The following NELL1 variants were observed in gnomAD, a reference collection of about 807,000 sequenced individuals.
NELL1 encodes neural EGFL like 1, also known as protein kinase C-binding protein NELL1.
In NELL1, 76 loss-of-function variants were observed where a neutral mutation model predicts 107.4. That is an observed-to-expected ratio of 0.71 (90% CI 0.59 to 0.86). The LOEUF (loss-of-function observed/expected upper bound fraction) is 0.86. Among genes scored for constraint, NELL1 ranks in the 40% least tolerant of loss-of-function variants. The pLI, the probability that NELL1 is intolerant of heterozygous loss-of-function variation, is 0.00. For synonymous variants in NELL1, 353 were observed against 341.2 expected, an observed-to-expected ratio of 1.03 and a Z score of -0.38; for missense variants, 1,024 against 1,005.5, an observed-to-expected ratio of 1.02 and a Z score of -0.25.
At chr11:21,227,219 A>G (rs1857917473) in intron 13 of NELL1, among the ~76,000 whole-genome samples, 1 of 152,166 alleles carries the variant, frequency 6.6e-6, no homozygotes, top group Non-Finnish European at 1.5e-5. Context: ...ATGAACTCTC[A>G]GTCTAGCTTA....
chr11:20,677,382 C>T (rs576943541), intron 1 of NELL1, among the ~76,000 whole-genome samples: 20 of 152,224 alleles, frequency 1.3e-4, no homozygotes, highest in Admixed American at 2.6e-4. Flanking sequence ...AATCTTGTAT[C>T]CGCAGTCACC....
chr11:21,115,408 G>A (rs1173869038), intron 13 of NELL1, among the ~76,000 whole-genome samples: 1 of 151,428 alleles, frequency 6.6e-6, no homozygotes, highest in African/African-American at 2.4e-5. Flanking sequence ...GTGCCTAAGA[G>A]GGAACACAAA....
chr11:21,195,224 G>A (rs1224414926), intron 13 of NELL1, among the ~76,000 whole-genome samples: 1 of 152,088 alleles, frequency 6.6e-6, no homozygotes, highest in East Asian at 1.9e-4. Flanking sequence ...ATTCCCATAT[G>A]AGAATAAGCA....
At chr11:21,302,634 G>C (rs1229765489) in intron 14 of NELL1, among the ~76,000 whole-genome samples, 2 of 151,910 alleles carry the variant, frequency 1.3e-5, no homozygotes, top group Non-Finnish European at 2.9e-5. Flanking sequence ...GAATATCAGG[G>C]CCCTCTTCTC....
chr11:21,329,930 A>G (rs1164003297), intron 14 of NELL1, among the ~76,000 whole-genome samples: 3 of 152,154 alleles, frequency 2.0e-5, no homozygotes, highest in Non-Finnish European at 4.4e-5. Flanking sequence ...AAACCCAATA[A>G]TGAATTACAA....
intron 4 of NELL1, among the ~76,000 whole-genome samples, chr11:20,875,225 C>T (rs1174980978): frequency 2.0e-5 from 3 of 152,050 alleles, no homozygotes; most frequent in African/African-American, 7.3e-5. Context: ...TTAGATCTCA[C>T]ATTCTGTTTT....
intron 12 of NELL1, among the ~76,000 whole-genome samples, chr11:21,088,588 T>C (rs1854452707): frequency 6.6e-6 from 1 of 152,228 alleles, no homozygotes; most frequent in Admixed American, 6.5e-5. Flanking sequence ...TTCTTAACTT[T>C]ACACACCATC....
At chr11:20,700,630 G>A in intron 2 of NELL1, among the ~76,000 whole-genome samples, 1 of 151,936 alleles carries the variant, frequency 6.6e-6, no homozygotes, top group Middle Eastern at 3.2e-3. Flanking sequence ...TTTACATTAG[G>A]TATATATCCT....
chr11:20,743,646 T>G lies in NELL1; in HGVS notation c.185-40034T>G, dbSNP rs77596240. Among the ~76,000 whole-genome samples, 59 of 152,322 alleles carry G rather than the reference T, an allele frequency of 3.9e-4. No individual in the cohort carries two copies. In the East Asian group the frequency reaches 0.011, roughly 28 times the overall value. On this transcript the variant is annotated intron_variant, in intron 2 of 19. Coordinates refer to ENST00000357134, the MANE Select transcript of NELL1 (RefSeq NM_006157.5). ...TTTCCTCTTACCCCACAGACCCTTA[T>G]TTCCCTGTAACCTTTGCTGGCTTGT...
rs113924334 is a variant in NELL1, at chr11:20,968,356, A to AAAGGAAGG, written c.1300+7812_1300+7819dup. 3.3e-3 allele frequency among the ~76,000 whole-genome samples: 505 copies of AAAGGAAGG among 151,392 alleles called. 3 individuals are homozygous for AAAGGAAGG. The highest frequency in any genetic ancestry group is 0.011 in the African/African-American group (437 of 41,178). ...CACACAAACATTTGCTTAAAGAAAG[A>AAAGGAAGG]AAGGAAGGAAGGAAGGAAGGAAGAC... On this transcript the variant is annotated intron_variant, in intron 12 of 19. Coordinates refer to ENST00000357134, the MANE Select transcript of NELL1 (RefSeq NM_006157.5).
chr11:21,153,676 C>T (rs1321726042), intron 13 of NELL1, among the ~76,000 whole-genome samples: 1 of 152,088 alleles, frequency 6.6e-6, no homozygotes, highest in Admixed American at 6.6e-5. Flanking sequence ...GGCCTTTTGG[C>T]TAAGATCAAG....
chr11:20,902,163 G>T (rs1000004746), intron 5 of NELL1, among the ~76,000 whole-genome samples: 1 of 151,886 alleles, frequency 6.6e-6, no homozygotes, highest in African/African-American at 2.4e-5. Flanking sequence ...AAATACTGAT[G>T]GGTTTACTGC....
intron 15 of NELL1, among the ~76,000 whole-genome samples, chr11:21,514,433 A>C (rs916131812): frequency 3.9e-5 from 6 of 152,216 alleles, no homozygotes; most frequent in Non-Finnish European, 7.3e-5. Flanking sequence ...TCAGAATTCT[A>C]AATCTGTCAA....
chr11:20,888,390 T>C (rs994435242), intron 5 of NELL1, among the ~76,000 whole-genome samples: 1 of 150,936 alleles, frequency 6.6e-6, no homozygotes, highest in Non-Finnish European at 1.5e-5. Flanking sequence ...AGTGGCTTCT[T>C]AGATAGCTGA....
At chr11:21,287,282 C>A (rs569506349) in intron 14 of NELL1, among the ~76,000 whole-genome samples, 2 of 152,146 alleles carry the variant, frequency 1.3e-5, no homozygotes, top group South Asian at 4.2e-4. Flanking sequence ...TCATTGGTAA[C>A]TTCCTAATTT....
At chr11:20,900,474 T>C (rs1169554561) in intron 5 of NELL1, among the ~76,000 whole-genome samples, 1 of 152,144 alleles carries the variant, frequency 6.6e-6, no homozygotes, top group Non-Finnish European at 1.5e-5. Context: ...TCTGGCAGTC[T>C]ACCATGTCCC....
intron 4 of NELL1, among the ~76,000 whole-genome samples, chr11:20,864,684 A>G (rs1590361009): frequency 6.6e-6 from 1 of 152,288 alleles, no homozygotes; most frequent in South Asian, 2.1e-4. Flanking sequence ...CCCTTTCAAC[A>G]CAGGTCTTCC....
intron 16 of NELL1, among the ~76,000 whole-genome samples, chr11:21,542,903 GCAGT>G (rs1220523914): frequency 6.6e-6 from 1 of 151,872 alleles, no homozygotes; most frequent in African/African-American, 2.4e-5. Flanking sequence ...AAATATCCTG[GCAGT>G]CAGAGCAAAA....
intron 13 of NELL1, among the ~76,000 whole-genome samples, chr11:21,211,032 A>C (rs1216849237): frequency 2.0e-5 from 3 of 152,150 alleles, no homozygotes; most frequent in Non-Finnish European, 4.4e-5. Flanking sequence ...AAGCCCAGCT[A>C]TGGGCTGGAG....
Sources: allele counts gnomAD v4.1 joint callset (sites outside exome capture counted in the v4.1 genomes callset), GRCh38; gene constraint gnomAD v4.1.1; transcripts MANE v1.5; gene names NCBI Gene and HGNC (gene_info 2026-07-23, HGNC 2026-07-21).